The following CTNNA2 variants were observed in gnomAD, a reference collection of about 807,000 sequenced individuals.
The protein encoded by CTNNA2 is catenin alpha 2.
Under a neutral mutation model 101.0 loss-of-function variants are expected in CTNNA2, and 42 were observed. The observed-to-expected ratio is 0.42, with a 90% CI of 0.32 to 0.54. The LOEUF is 0.54. CTNNA2 is among the 20% of genes least tolerant of loss of function. The pLI, the probability that CTNNA2 is intolerant of heterozygous loss-of-function variation, is 0.14. For synonymous variants in CTNNA2, 450 were observed against 456.4 expected, an observed-to-expected ratio of 0.99 and a Z score of 0.18; for missense variants, 871 against 1,223.1, an observed-to-expected ratio of 0.71 and a Z score of 4.29.
chr2:80,347,842 TC>T (rs201959460), intron 7 of CTNNA2, among the ~76,000 whole-genome samples: 2 of 151,510 alleles, frequency 1.3e-5, no homozygotes, highest in African/African-American at 4.8e-5. Flanking sequence ...TCTTTTCTTT[TC>T]TTTTTTTTTT....
At chr2:80,205,900 A>G (rs1157336554) in intron 7 of CTNNA2, among the ~76,000 whole-genome samples, 1 of 152,248 alleles carries the variant, frequency 6.6e-6, no homozygotes, top group African/African-American at 2.4e-5. Context: ...AACAACTGAC[A>G]CTAAAAGTTT....
chr2:79,842,347 C>T (rs914124340), intron 3 of CTNNA2, among the ~76,000 whole-genome samples: 2 of 152,052 alleles, frequency 1.3e-5, no homozygotes, highest in South Asian at 2.1e-4. Context: ...TCTTCATGTA[C>T]GAAATGGGAA....
intron 7 of CTNNA2, among the ~76,000 whole-genome samples, chr2:80,126,402 C>A (rs1330471197): frequency 3.9e-5 from 6 of 151,996 alleles, no homozygotes; most frequent in African/African-American, 1.4e-4. Flanking sequence ...GGGAGATCTT[C>A]TCTGGCCCAT....
chr2:79,686,937 G>T (rs539321112), intron 2 of CTNNA2, among the ~76,000 whole-genome samples: 7 of 152,290 alleles, frequency 4.6e-5, no homozygotes, highest in South Asian at 2.1e-4. Context: ...TAGAATGGTT[G>T]CACCCAGTGG....
intron 2 of CTNNA2, among the ~76,000 whole-genome samples, chr2:79,253,162 A>G (rs1380128846): frequency 3.3e-5 from 5 of 152,174 alleles, no homozygotes; most frequent in African/African-American, 7.2e-5. Flanking sequence ...AAGGTTCCTC[A>G]TAGGCCTGAT....
chr2:80,214,526 T>A (rs938961818), intron 7 of CTNNA2, among the ~76,000 whole-genome samples: 2 of 152,200 alleles, frequency 1.3e-5, no homozygotes, highest in Non-Finnish European at 2.9e-5. Context: ...TCTTCAAGAA[T>A]GTTAAATGTT....
intron 1 of CTNNA2, among the ~76,000 whole-genome samples, chr2:79,572,485 C>T (rs1675517901): frequency 6.6e-6 from 1 of 152,178 alleles, no homozygotes; most frequent in Admixed American, 6.5e-5. Context: ...TGCAGTGGCT[C>T]ACTCCTGTAA....
Position 79,854,749 on chromosome 2 carries a change from AG to A in CTNNA2, c.299-3262del, listed in dbSNP as rs545966770. 2.0e-4 allele frequency among the ~76,000 whole-genome samples: 30 copies of A among 152,308 alleles called. No individual in the cohort carries two copies. The South Asian group carries it at 6.2e-3, about 32-fold the overall frequency. On this transcript the variant is annotated intron_variant, in intron 3 of 18. Coordinates refer to ENST00000402739, the MANE Select transcript of CTNNA2 (RefSeq NM_001282597.3). ...TACCGTGGAAATGTTGCTCTGAGTT[AG>A]GTCTATAATCAAGTACATGAGATTG...
At chr2:79,431,294 C>T (rs115225302) in intron 4 of CTNNA2, among the ~76,000 whole-genome samples, 3 of 152,122 alleles carry the variant, frequency 2.0e-5, no homozygotes, top group African/African-American at 7.2e-5. Context: ...ATTGCAACTA[C>T]TTTATGAGTT....
At chr2:80,100,783 G>A (rs1467935341) in intron 7 of CTNNA2, among the ~76,000 whole-genome samples, 2 of 152,158 alleles carry the variant, frequency 1.3e-5, no homozygotes, top group African/African-American at 4.8e-5. Context: ...TCAAAGTTCA[G>A]CACTCTCATC....
At chr2:79,428,474 A>G (rs1201803755) in intron 4 of CTNNA2, among the ~76,000 whole-genome samples, 1 of 152,136 alleles carries the variant, frequency 6.6e-6, no homozygotes, top group East Asian at 1.9e-4. Flanking sequence ...GACAGGATGA[A>G]AAGGGCAATT....
chr2:79,263,641 A>T (rs1315384784), intron 2 of CTNNA2, among the ~76,000 whole-genome samples: 1 of 152,198 alleles, frequency 6.6e-6, no homozygotes, highest in Non-Finnish European at 1.5e-5. Flanking sequence ...ATGCAGCAGT[A>T]TTGAGAGGCA....
Position 80,323,392 on chromosome 2 carries a change from C to A in CTNNA2, c.1057-69819C>A, listed in dbSNP as rs77075365. On this transcript the variant is annotated intron_variant, in intron 7 of 18. Transcript: ENST00000402739. ...TCTTCCCCTTCATTTCTAGCTTTTC[C>A]TCTTCTCTCTTTCCTCCTTGCTTGC... Among the ~76,000 whole-genome samples, 91 of 151,978 alleles carry A rather than the reference C, an allele frequency of 6.0e-4. No homozygotes were observed. In the East Asian group the frequency reaches 0.017, roughly 28 times the overall value.
intron 1 of CTNNA2, among the ~76,000 whole-genome samples, chr2:79,554,926 G>A (rs1174106627): frequency 2.6e-5 from 4 of 152,130 alleles, no homozygotes; most frequent in Non-Finnish European, 5.9e-5. Flanking sequence ...CCTATTGATA[G>A]TTGGTATCAG....
At chr2:80,546,642 ACTTT>A (rs1692092349) in intron 11 of CTNNA2, among the ~76,000 whole-genome samples, 1 of 152,200 alleles carries the variant, frequency 6.6e-6, no homozygotes, top group Admixed American at 6.5e-5. Context: ...TGAAATTATA[ACTTT>A]CTTCTTTGTA....
intron 7 of CTNNA2, among the ~76,000 whole-genome samples, chr2:80,120,852 A>G (rs1048736233): frequency 2.6e-5 from 4 of 152,278 alleles, no homozygotes; most frequent in African/African-American, 9.6e-5. Context: ...AACCACTGAC[A>G]TTTGGTTTAA....
Position 80,589,903 on chromosome 2 carries a change from T to TGCGC in CTNNA2, c.2189+419_2189+420insCGCG, listed in dbSNP as rs70940089. Among the ~76,000 whole-genome samples, 241 of 144,504 alleles carry TGCGC rather than the reference T, an allele frequency of 1.7e-3. 1 individual carries two copies. The highest frequency in any genetic ancestry group is 2.2e-3 in the South Asian group (10 of 4,572). The allele number at this position is 144,504 out of a possible 152,430, so 94.8% of individuals were successfully genotyped here. ...GTGTGTGTGTGTGTGTGTGTGTGTG[T>TGCGC]GTGCGCGCGCGCGCATGTATACATA... On this transcript the variant is annotated intron_variant, in intron 15 of 18. Coordinates refer to ENST00000402739, the MANE Select transcript of CTNNA2 (RefSeq NM_001282597.3).
At chr2:80,524,728 G>A (rs2149582011) in intron 9 of CTNNA2, among the ~76,000 whole-genome samples, 1 of 152,126 alleles carries the variant, frequency 6.6e-6, no homozygotes, top group East Asian at 1.9e-4. Context: ...GTAAGCCTAG[G>A]GACCTGTGTA....
chr2:80,438,855 C>A (rs1203523184), intron 9 of CTNNA2, among the ~76,000 whole-genome samples: 1 of 152,120 alleles, frequency 6.6e-6, no homozygotes, highest in Admixed American at 6.5e-5. Flanking sequence ...TCACAGGAGA[C>A]CTTGTTTGCT....
Sources: gnomAD v4.1 joint callset for allele counts (sites outside exome capture counted in the v4.1 genomes callset) on GRCh38, gnomAD v4.1.1 for gene constraint, MANE v1.5 for transcripts, NCBI Gene and HGNC (gene_info 2026-07-23, HGNC 2026-07-21) for gene names.